ZNF285: variants seen among roughly 807,000 people sequenced by gnomAD.
The protein encoded by ZNF285 is zinc finger protein 285A.
ZNF285 carries 4 observed loss-of-function variants against 6.2 expected under a neutral mutation model. The observed-to-expected ratio is 0.65, with a 90% CI of 0.32 to 1.49. The LOEUF is 1.49. Among genes scored for constraint, ZNF285 ranks in the 40% most tolerant of loss-of-function variants. ZNF285 has a pLI of 0.07. For missense variants in ZNF285, 695 were observed against 708.8 expected (o/e 0.98, Z 0.22); for synonymous variants, 240 against 245.8 (o/e 0.98, Z 0.22).
intron 1 of ZNF285, among the ~76,000 whole-genome samples, chr19:44,400,284 A>C (rs1285425000): frequency 6.8e-6 from 1 of 147,720 alleles, no homozygotes; most frequent in African/African-American, 2.6e-5. Context: ...CCAGATGCCC[A>C]TATCAACTTC....
At chr19:44,389,322 A>T (rs1291277442) in intron 3 of ZNF285, among the ~76,000 whole-genome samples, 1 of 152,142 alleles carries the variant, frequency 6.6e-6, no homozygotes, top group African/African-American at 2.4e-5. Context: ...GTCAAGTCCC[A>T]CTGGATACTG....
intron 1 of ZNF285, among the ~76,000 whole-genome samples, chr19:44,397,655 C>T (rs573989100): frequency 4.2e-4 from 64 of 152,172 alleles, no homozygotes; most frequent in Admixed American, 1.9e-3. Flanking sequence ...GAACCCGAGA[C>T]GGGTGGATCA....
At chr19:44,395,368 A>G (rs573531851) in intron 2 of ZNF285, among the ~76,000 whole-genome samples, 2 of 152,278 alleles carry the variant, frequency 1.3e-5, no homozygotes, top group African/African-American at 4.8e-5. Flanking sequence ...AGAACACAGG[A>G]CACCAAACTT....
At position 44,386,575 on chromosome 19, in the gene ZNF285, G is replaced by A. The variant is rs747862770; in HGVS notation, c.1670C>T (p.Ala557Val). The A allele has an allele frequency of 4.3e-6, 7 of 1,614,026 alleles. No individual in the cohort carries two copies. In the East Asian group the frequency reaches 1.6e-4, roughly 36 times the overall value. The change falls in exon 4 of 4, where the codon GCC becomes GTC. Residue 557 changes from alanine to valine, a missense_variant. Transcript: ENST00000614994. ...KGFSRNSYLL[A>V]HQRVHIDETQ... ...CTCATCTATATGCACTCTCTGATGG[G>A]CAAGGAGGTATGAATTACGACTGAA...
At chr19:44,400,204 G>T (rs8104613) in intron 1 of ZNF285, among the ~76,000 whole-genome samples, 54,214 of 138,248 alleles carry the variant, frequency 0.39, 14,515 homozygotes, top group African/African-American at 0.74. Flanking sequence ...CACAGCTCTC[G>T]CACACAAATG....
At chr19:44,389,685 GGTTA>G (rs1971161095) in intron 3 of ZNF285, among the ~76,000 whole-genome samples, 1 of 151,948 alleles carries the variant, frequency 6.6e-6, no homozygotes, top group African/African-American at 2.4e-5. Context: ...ACAATGTGCA[GGTTA>G]GTTACATATG....
At chr19:44,394,904 T>C (rs1290631273) in intron 2 of ZNF285, among the ~76,000 whole-genome samples, 1 of 152,136 alleles carries the variant, frequency 6.6e-6, no homozygotes, top group Non-Finnish European at 1.5e-5. Context: ...GGCAACAAAA[T>C]TGAATTGGAG....
chr19:44,393,862 G>A (rs1477541213), intron 2 of ZNF285, among the ~76,000 whole-genome samples: 4 of 152,048 alleles, frequency 2.6e-5, no homozygotes, highest in African/African-American at 4.8e-5. Context: ...CGATTCCTCA[G>A]GGATCTAGAA....
chr19:44,395,383 T>C (rs2722648), intron 2 of ZNF285, among the ~76,000 whole-genome samples: 49,707 of 151,916 alleles, frequency 0.33, 11,524 homozygotes, highest in East Asian at 0.75. Flanking sequence ...AAACTTGGTT[T>C]CTGCAACAAG....
rs768691925 is a variant in ZNF285 at position 44,387,315 on chromosome 19, G to A, written c.930C>T (p.Ser310=). 5.6e-6 allele frequency: 9 copies of A among 1,614,126 alleles called. No homozygotes were observed. The highest frequency in any genetic ancestry group is 2.2e-5 in the East Asian group (1 of 44,880). ...SSDLPRYQKV[S]SGDKPYKCKE... Reference sequence around the variant, plus strand: ...TACATTTGTAGGGTTTGTCTCCTGAGGAGACTTTCTGATATCTGGGAAGGT... The same window carrying A: ...TACATTTGTAGGGTTTGTCTCCTGAAGAGACTTTCTGATATCTGGGAAGGT... Residue 310 remains serine (S), a synonymous_variant, in exon 4 of 4, where the codon TCC becomes TCT. Transcript: ENST00000614994.
At chr19:44,399,836 G>C (rs1203203255) in intron 1 of ZNF285, among the ~76,000 whole-genome samples, 1 of 152,124 alleles carries the variant, frequency 6.6e-6, no homozygotes, top group Non-Finnish European at 1.5e-5. Flanking sequence ...GGGAGTGACA[G>C]GGAGGTGCCA....
In ZNF285 at chr19:44,387,271, A is replaced by G; in HGVS notation, c.974T>C (p.Phe325Ser). 6.2e-7 allele frequency: 1 copy of G among 1,614,142 alleles called. No individual in the cohort carries two copies. Among genetic ancestry groups the G allele is most frequent in the African/African-American group, 1.3e-5 (1 of 75,038 alleles). ...GTTGTGAAGGGAAGAGCTGCGCCTG[A>G]AGCCCTTGCCACATTCTTTACATTT... Reference protein sequence around the residue: ...PYKCKECGKGFRRSSSLHNHH... With the variant: ...PYKCKECGKGSRRSSSLHNHH... Residue 325 changes from phenylalanine (F) to serine (S), a missense_variant, in exon 4 of 4, where the codon TTC becomes TCC. Physicochemically the swap from Phe to Ser is radical, Grantham distance 155 (BLOSUM62 -2). Transcript: ENST00000614994.
At chr19:44,394,649 C>T (rs1404922006) in intron 2 of ZNF285, 3 of 481,568 alleles carry the variant, frequency 6.2e-6, no homozygotes, top group Non-Finnish European at 1.1e-5. Context: ...CTGCATATAT[C>T]GCACTGCTCA....
At chr19:44,394,440 A>G (rs1568388375) in intron 2 of ZNF285, 1 of 450,962 alleles carries the variant, frequency 2.2e-6, no homozygotes, top group South Asian at 5.7e-5. Context: ...GAAATAACCT[A>G]TTGGGTATTA....
rs544883739 is a variant in ZNF285 at position 44,385,656 on chromosome 19, C to T, written c.*816G>A. 3.8e-4 allele frequency: 58 copies of T among 152,270 alleles called. No individual in the cohort carries two copies. Among genetic ancestry groups the T allele is most frequent in the African/African-American group, 1.3e-3 (56 of 41,554 alleles). The allele number at this position is 152,270 out of a possible 1,614,324, so 9.4% of individuals were successfully genotyped here. ...CACCAAAAATCTCAGTGGTGAGACA[C>T]AATGAACTTTTATTTCTTACTCTAA... On this transcript the variant is annotated 3_prime_UTR_variant, in exon 4 of 4. Coordinates refer to ENST00000614994, the MANE Select transcript of ZNF285 (RefSeq NM_152354.6).
chr19:44,398,461 G>T (rs1196844024), intron 1 of ZNF285, among the ~76,000 whole-genome samples: 2 of 152,134 alleles, frequency 1.3e-5, no homozygotes, highest in African/African-American at 4.8e-5. Flanking sequence ...CTGTGGAATG[G>T]CTATATTCCA....
At chr19:44,397,125 C>T (rs539017730) in intron 2 of ZNF285, 74 bp downstream of exon 2, 32 of 1,607,674 alleles carry the variant, frequency 2.0e-5, no homozygotes, top group African/African-American at 1.1e-4. Context: ...ATGCTGACCT[C>T]CTTTCAGAAA....
intron 1 of ZNF285, among the ~76,000 whole-genome samples, chr19:44,399,523 A>G (rs1241608658): frequency 6.6e-6 from 1 of 150,806 alleles, no homozygotes; most frequent in African/African-American, 2.5e-5. Context: ...TGGATATTAT[A>G]CATTAGATGC....
chr19:44,390,970 A>G (rs1599959718), intron 3 of ZNF285, among the ~76,000 whole-genome samples: 1 of 151,950 alleles, frequency 6.6e-6, no homozygotes, highest in East Asian at 1.9e-4. Context: ...CTTGGCCGAC[A>G]TGGTGAAATC....
Sources: allele counts gnomAD v4.1 joint callset (sites outside exome capture counted in the v4.1 genomes callset), GRCh38; gene constraint gnomAD v4.1.1; transcripts MANE v1.5; gene names NCBI Gene and HGNC (gene_info 2026-07-23, HGNC 2026-07-21).